ADGRG7: variants seen among roughly 807,000 people sequenced by gnomAD.
The protein encoded by ADGRG7 is adhesion G protein-coupled receptor G7, also known as G-protein coupled receptor 128.
ADGRG7 carries 82 observed loss-of-function variants against 88.6 expected under a neutral mutation model. The observed-to-expected ratio is 0.93, with a 90% CI of 0.77 to 1.11. ADGRG7 has a LOEUF of 1.11. Ranked by LOEUF, ADGRG7 falls within the 50% of genes most tolerant of loss-of-function variation. The pLI is 0.00. For missense variants in ADGRG7, 945 were observed against 953.4 expected, an observed-to-expected ratio of 0.99 and a Z score of 0.12; for synonymous variants, 381 against 345.2, an observed-to-expected ratio of 1.10 and a Z score of -1.15.
chr3:100,610,972 G>A (rs932406866), intron 1 of ADGRG7, among the ~76,000 whole-genome samples: 2 of 152,022 alleles, frequency 1.3e-5, no homozygotes, highest in Non-Finnish European at 2.9e-5. Context: ...TGGTAGCTGG[G>A]GATGGATTTG....
intron 15 of ADGRG7, among the ~76,000 whole-genome samples, chr3:100,679,556 T>G (rs2094970158): frequency 6.6e-6 from 1 of 152,226 alleles, no homozygotes; most frequent in Non-Finnish European, 1.5e-5. Flanking sequence ...TTGGTCATCT[T>G]GCTCCACCTC....
intron 4 of ADGRG7, among the ~76,000 whole-genome samples, chr3:100,634,379 ATGCCAAATATTG>A (rs1344174756): frequency 6.6e-6 from 1 of 152,222 alleles, no homozygotes; most frequent in African/African-American, 2.4e-5. Flanking sequence ...CACCTACTGC[ATGCCAAATATTG>A]TGCCAAATAT....
intron 1 of ADGRG7, among the ~76,000 whole-genome samples, chr3:100,624,460 A>C (rs1456242176): frequency 1.3e-5 from 2 of 152,140 alleles, no homozygotes; most frequent in South Asian, 2.1e-4. Flanking sequence ...AAGAGATTGC[A>C]AAAAATTTCT....
At chr3:100,686,852 G>A (rs4928078) in intron 15 of ADGRG7, among the ~76,000 whole-genome samples, 48,508 of 151,652 alleles carry the variant, frequency 0.32, 8,114 homozygotes, top group East Asian at 0.53. Context: ...TTGACTTGGC[G>A]ATGCGGGCTC....
chr3:100,639,712 G>C (rs1275132977), intron 6 of ADGRG7, among the ~76,000 whole-genome samples: 1 of 152,164 alleles, frequency 6.6e-6, no homozygotes, highest in African/African-American at 2.4e-5. Context: ...TGGTGAGAAA[G>C]CTGGGAAAAG....
At position 100,654,950 on chromosome 3, in the gene ADGRG7, A is replaced by C. The variant is rs769934192; in HGVS notation, c.1495A>C (p.Ser499Arg). The C allele has an allele frequency of 1.2e-4, 194 of 1,613,970 alleles. No individual in the cohort carries two copies. The highest frequency in any genetic ancestry group is 1.6e-4 in the Non-Finnish European group (192 of 1,179,956). The change falls in exon 12 of 16, where the codon AGT (serine) becomes CGT (arginine). Residue 499 changes from serine to arginine, a missense_variant. Coordinates refer to ENST00000273352, the MANE Select transcript of ADGRG7 (RefSeq NM_032787.3). ...AAACTCCAATAAGAACTTGCAGACA[A>C]GTGATGGTGACATCAATAATATTGA... Reference protein sequence around the residue: ...IENSNKNLQTSDGDINNIDFD... With the variant: ...IENSNKNLQTRDGDINNIDFD...
At chr3:100,623,158 C>T (rs1707337690) in intron 1 of ADGRG7, among the ~76,000 whole-genome samples, 1 of 151,952 alleles carries the variant, frequency 6.6e-6, no homozygotes, top group African/African-American at 2.4e-5. Flanking sequence ...GCTTTTGTGT[C>T]CTTTAAAAAA....
chr3:100,637,457 T>C (rs1707564827), intron 6 of ADGRG7, 55 bp downstream of exon 6: 1 of 1,128,072 alleles, frequency 8.9e-7, no homozygotes, highest in Non-Finnish European at 1.3e-6. Context: ...TTTACTTTCC[T>C]AGGCTAAAGT....
chr3:100,617,973 T>A (rs965867019), intron 1 of ADGRG7, among the ~76,000 whole-genome samples: 2 of 152,234 alleles, frequency 1.3e-5, no homozygotes, highest in Non-Finnish European at 2.9e-5. Context: ...CCAGTGATGA[T>A]GAGCATTTTT....
chr3:100,616,341 G>T (rs1707224504), intron 1 of ADGRG7, among the ~76,000 whole-genome samples: 2 of 151,946 alleles, frequency 1.3e-5, no homozygotes, highest in Admixed American at 6.6e-5. Flanking sequence ...CCATCTGAAA[G>T]AGAATATAAA....
intron 1 of ADGRG7, among the ~76,000 whole-genome samples, chr3:100,624,078 G>A (rs940697782): frequency 1.3e-5 from 2 of 152,038 alleles, no homozygotes; most frequent in Admixed American, 6.5e-5. Context: ...TGGGTCAAAC[G>A]GTATTTCTGG....
chr3:100,650,370 A>AT (rs1252705559), intron 11 of ADGRG7, among the ~76,000 whole-genome samples: 1 of 152,034 alleles, frequency 6.6e-6, no homozygotes, highest in Non-Finnish European at 1.5e-5. Flanking sequence ...CACATGCTAC[A>AT]TTTTTTTAAC....
At chr3:100,656,380 A>C (rs1576327673) in intron 13 of ADGRG7, among the ~76,000 whole-genome samples, 1 of 152,334 alleles carries the variant, frequency 6.6e-6, no homozygotes, top group East Asian at 1.9e-4. Context: ...TCAAGGGATC[A>C]ATCAAGTGTG....
chr3:100,653,015 A>G (rs746376636), intron 11 of ADGRG7, among the ~76,000 whole-genome samples: 12 of 152,252 alleles, frequency 7.9e-5, no homozygotes, highest in South Asian at 2.1e-4. Flanking sequence ...AATGTGGTTC[A>G]GGACATCTTG....
intron 14 of ADGRG7, among the ~76,000 whole-genome samples, chr3:100,660,717 C>G (rs923576581): frequency 6.6e-6 from 1 of 151,978 alleles, no homozygotes; most frequent in Middle Eastern, 3.4e-3. Context: ...CTTTGGGAGG[C>G]GGGGGTGGGT....
intron 15 of ADGRG7, among the ~76,000 whole-genome samples, chr3:100,689,406 T>C (rs981528354): frequency 6.6e-6 from 1 of 152,246 alleles, no homozygotes; most frequent in African/African-American, 2.4e-5. Context: ...ACGTGTGAAT[T>C]TGATCCTGTC....
chr3:100,637,633 G>A (rs552376973), intron 6 of ADGRG7: 2 of 465,940 alleles, frequency 4.3e-6, no homozygotes, highest in South Asian at 2.7e-5. Flanking sequence ...GAGATAGGGA[G>A]TAACTGGGCT....
chr3:100,618,500 C>T (rs1446426635), intron 1 of ADGRG7, among the ~76,000 whole-genome samples: 2 of 152,158 alleles, frequency 1.3e-5, no homozygotes, highest in African/African-American at 2.4e-5. Flanking sequence ...TTGTTTTTGT[C>T]AGATTTGTCA....
At chr3:100,645,252 C>A (rs544709754) in intron 8 of ADGRG7, among the ~76,000 whole-genome samples, 1 of 152,254 alleles carries the variant, frequency 6.6e-6, no homozygotes, top group Non-Finnish European at 1.5e-5. Context: ...GGGTGCCAAA[C>A]CCTCCACAGC....
Sources: allele counts gnomAD v4.1 joint callset (sites outside exome capture counted in the v4.1 genomes callset), GRCh38; gene constraint gnomAD v4.1.1; transcripts MANE v1.5; gene names NCBI Gene and HGNC (gene_info 2026-07-23, HGNC 2026-07-21).